Variants in TAF12 observed in about 807,000 individuals in gnomAD.
The protein encoded by TAF12 is transcription initiation factor TFIID subunit 12.
TAF12 carries 3 observed loss-of-function variants against 20.8 expected under a neutral mutation model. The observed-to-expected ratio is 0.14, with a 90% CI of 0.07 to 0.37. TAF12 has a LOEUF of 0.37. TAF12 is among the 10% of genes least tolerant of loss of function. TAF12 has a pLI of 1.00. For synonymous variants in TAF12, 69 were observed against 70.2 expected, an observed-to-expected ratio of 0.98 and a Z score of 0.09; for missense variants, 131 against 197.9, an observed-to-expected ratio of 0.66 and a Z score of 2.03.
chr1:28,642,849 A>T (rs1379928387), intron 1 of TAF12, 143 bp downstream of exon 1: 1 of 985,672 alleles, frequency 1.0e-6, no homozygotes, highest in Non-Finnish European at 1.2e-6. Flanking sequence ...TGATCCTCTC[A>T]GTCAGTCCCT....
At chr1:28,637,732 CA>C (rs1667886482) in intron 1 of TAF12, among the ~76,000 whole-genome samples, 1 of 151,966 alleles carries the variant, frequency 6.6e-6, no homozygotes, top group African/African-American at 2.4e-5. Flanking sequence ...AAATTAAGTC[CA>C]TACACAGAAA....
upstream of TAF12, chr1:28,643,559 G>A (rs1036286362): frequency 6.6e-6 from 1 of 152,212 alleles, no homozygotes; most frequent in African/African-American, 2.4e-5. Flanking sequence ...AGTAACAATT[G>A]AGTGCTTACT....
At chr1:28,605,502 G>A (rs1326491902) in intron 4 of TAF12, 42 bp from the exon 5 acceptor site, 1 of 1,593,810 alleles carries the variant, frequency 6.3e-7, no homozygotes, top group South Asian at 1.1e-5. Flanking sequence ...GTACCAAGAA[G>A]GCAGTACCAG....
intron 5 of TAF12, among the ~76,000 whole-genome samples, chr1:28,604,340 G>A (rs891576355): frequency 3.9e-5 from 6 of 152,150 alleles, no homozygotes; most frequent in African/African-American, 1.4e-4. Flanking sequence ...CTGCATTGAA[G>A]GGAAACTGAA....
chr1:28,634,050 C>A (rs1243279963), intron 1 of TAF12, among the ~76,000 whole-genome samples: 1 of 151,124 alleles, frequency 6.6e-6, no homozygotes, highest in Non-Finnish European at 1.5e-5. Flanking sequence ...GCCACTGCAA[C>A]CCAGCCTGGA....
chr1:28,638,595 C>A (rs1210711338), intron 1 of TAF12, among the ~76,000 whole-genome samples: 2 of 150,824 alleles, frequency 1.3e-5, no homozygotes, highest in African/African-American at 4.9e-5. Flanking sequence ...CAGCGATTGT[C>A]CTGCCTTAGC....
At chr1:28,609,769 G>T (rs1175481921) in intron 4 of TAF12, among the ~76,000 whole-genome samples, 3 of 152,080 alleles carry the variant, frequency 2.0e-5, no homozygotes, top group African/African-American at 4.8e-5. Context: ...TTACAGGCGT[G>T]AGCCACCGTG....
chr1:28,622,838 T>A (rs899863393), intron 1 of TAF12, among the ~76,000 whole-genome samples: 41 of 151,860 alleles, frequency 2.7e-4, no homozygotes, highest in Admixed American at 3.9e-4. Context: ...CTGACCAACA[T>A]GGTGAAACCC....
intron 4 of TAF12, among the ~76,000 whole-genome samples, chr1:28,606,319 A>T (rs536037569): frequency 6.6e-6 from 1 of 151,880 alleles, no homozygotes; most frequent in South Asian, 2.1e-4. Context: ...TTGTATTTTT[A>T]GTAGAAACGG....
rs1279119637 is a variant in TAF12, at chr1:28,643,054, C to T, written c.-147G>A. 1.0e-6 allele frequency: 1 copy of T among 985,800 alleles called. No homozygotes were observed. The highest frequency in any genetic ancestry group is 1.7e-5 in the African/African-American group (1 of 57,242). The allele number at this position is 985,800 out of a possible 1,614,324, so 61.1% of individuals were successfully genotyped here. ...TGCCCCAGTGAAGCGTTCGTCTCAG[C>T]AGCCGGTCCGACTGCGCGGCCCTCC... On this transcript the variant is annotated 5_prime_UTR_variant, in exon 1 of 6. Coordinates refer to ENST00000373824, the MANE Select transcript of TAF12 (RefSeq NM_005644.4).
At chr1:28,647,468 G>T (rs1318483105), upstream of TAF12, among the ~76,000 whole-genome samples, 1 of 151,834 alleles carries the variant, frequency 6.6e-6, no homozygotes. Context: ...TTTATTTTGG[G>T]GTAGGGACGA....
intron 1 of TAF12, among the ~76,000 whole-genome samples, chr1:28,632,238 G>A (rs1045223828): frequency 6.6e-6 from 1 of 152,184 alleles, no homozygotes; most frequent in African/African-American, 2.4e-5. Context: ...AGGAGTTTGA[G>A]ACCAGCCTGG....
intron 4 of TAF12, among the ~76,000 whole-genome samples, chr1:28,612,528 T>A (rs564068619): frequency 3.4e-5 from 5 of 146,040 alleles, no homozygotes; most frequent in East Asian, 2.0e-4. Context: ...TAAATATATA[T>A]AAATTATATA....
chr1:28,605,423 A>C lies in TAF12; in HGVS notation c.399T>G (p.Ser133=), dbSNP rs750731720. 1.2e-6 allele frequency: 2 copies of C among 1,614,126 alleles called. No individual in the cohort carries two copies. Among genetic ancestry groups the C allele is most frequent in the Non-Finnish European group, 1.7e-6 (2 of 1,180,026 alleles). ...QWNMWIPGFG[S]EEIRPYKKAC... is the part of the protein sequence containing the mutation. The stretch of plus-strand genomic sequence containing the variant: ...CTTTTTTGTAGGGTCGGATTTCTTC[A>C]GAGCCAAATCCTGGGATCCACATGT... The change falls in exon 5 of 6, where the codon TCT becomes TCG. Residue 133 remains serine, a synonymous_variant. Transcript: ENST00000373824.
At position 28,603,461 on chromosome 1, in the gene TAF12, T is replaced by A; in HGVS notation, c.*78A>T. The A allele has an allele frequency of 6.8e-7, 1 of 1,461,662 alleles. No individual in the cohort carries two copies. The highest frequency in any genetic ancestry group is 9.5e-7 in the Non-Finnish European group (1 of 1,052,190). 90.5% of individuals were successfully genotyped at this position (1,461,662 alleles called of 1,614,324 possible). On this transcript the variant is annotated 3_prime_UTR_variant, in exon 6 of 6. Coordinates refer to ENST00000373824, the MANE Select transcript of TAF12 (RefSeq NM_005644.4). ...CTCTGTAAAGCATTAAAAAAAAAAA[T>A]CCAAGGATGAGATGGCTGAGTTCTC...
chr1:28,624,783 T>G lies in TAF12; in HGVS notation c.-84-2618A>C, dbSNP rs149961887. ...AAAATAAAAAAATAAATAATAATAA[T>G]AAGAAGAAATCATGTTCTCCTGGTT... On this transcript the variant is annotated intron_variant, in intron 1 of 5. Transcript: ENST00000373824. 6.1e-3 allele frequency among the ~76,000 whole-genome samples: 929 copies of G among 151,708 alleles called. 8 individuals carry two copies. Among genetic ancestry groups the G allele is most frequent in the African/African-American group, 0.017 (713 of 41,480 alleles).
At chr1:28,635,317 T>TGTGTCGCCCAGGCTACAGTGCA (rs1434687629) in intron 1 of TAF12, among the ~76,000 whole-genome samples, 5 of 105,178 alleles carry the variant, frequency 4.8e-5, no homozygotes, top group East Asian at 6.7e-4. Context: ...GGAGTCTCAC[T>TGTGTCGCCCAGGCTACAGTGCA]GTGTCGCCCA....
At chr1:28,626,169 G>A (rs1208411335) in intron 1 of TAF12, among the ~76,000 whole-genome samples, 1 of 151,468 alleles carries the variant, frequency 6.6e-6, no homozygotes, top group Admixed American at 6.6e-5. Flanking sequence ...AGTAGAGGAG[G>A]GGTTTCACCA....
chr1:28,617,453 CTTTTTTTTT>C (rs1332175123), intron 3 of TAF12, among the ~76,000 whole-genome samples: 1 of 141,998 alleles, frequency 7.0e-6, no homozygotes, highest in Non-Finnish European at 1.5e-5. Context: ...AATTTTTTTT[CTTTTTTTTT>C]TTTTGAGATG....
Sources: allele counts gnomAD v4.1 joint callset (sites outside exome capture counted in the v4.1 genomes callset), GRCh38; gene constraint gnomAD v4.1.1; transcripts MANE v1.5; gene names NCBI Gene and HGNC (gene_info 2026-07-23, HGNC 2026-07-21).